PTPRN2: variants seen among roughly 807,000 people sequenced by gnomAD.
PTPRN2 encodes the protein receptor-type tyrosine-protein phosphatase N2.
PTPRN2 carries 74 observed loss-of-function variants against 118.8 expected under a neutral mutation model. The ratio of observed to expected loss-of-function variants is 0.62; its 90% CI spans 0.52 to 0.76. PTPRN2 has a LOEUF of 0.76. PTPRN2 is among the 30% of genes least tolerant of loss of function. The pLI, the probability that PTPRN2 is intolerant of heterozygous loss-of-function variation, is 0.00. For synonymous variants in PTPRN2, 641 were observed against 608.0 expected (o/e 1.05, Z -0.80); for missense variants, 1,481 against 1,394.4 (o/e 1.06, Z -0.99).
At chr7:157,778,232 C>T (rs1364544634) in intron 12 of PTPRN2, among the ~76,000 whole-genome samples, 1 of 152,266 alleles carries the variant, frequency 6.6e-6, no homozygotes, top group Non-Finnish European at 1.5e-5. Flanking sequence ...GACGACTAAA[C>T]ATGTCCACGT....
intron 6 of PTPRN2, among the ~76,000 whole-genome samples, chr7:158,140,712 G>T (rs1489163231): frequency 6.6e-6 from 1 of 152,240 alleles, no homozygotes; most frequent in East Asian, 1.9e-4. Flanking sequence ...GGGTGTGAGG[G>T]TGTGCCGTGC....
intron 2 of PTPRN2, among the ~76,000 whole-genome samples, chr7:158,410,776 C>A (rs1227597126): frequency 6.6e-6 from 1 of 152,022 alleles, no homozygotes; most frequent in Admixed American, 6.6e-5. Flanking sequence ...TGATTGACGT[C>A]CCTGTAGGGA....
At chr7:157,752,649 C>A (rs968392862) in intron 12 of PTPRN2, among the ~76,000 whole-genome samples, 4 of 152,248 alleles carry the variant, frequency 2.6e-5, no homozygotes, top group African/African-American at 9.6e-5. Flanking sequence ...CAGCCCACCT[C>A]CAGGTACAGA....
chr7:158,519,552 TC>T lies in PTPRN2; in HGVS notation c.113-29768del, dbSNP rs769522002. Among the ~76,000 whole-genome samples, 44 of 152,114 alleles carry T rather than the reference TC, an allele frequency of 2.9e-4. 1 individual carries two copies. The highest frequency in any genetic ancestry group is 1.0e-3 in the Admixed American group (16 of 15,270). Reference sequence around the variant, plus strand: ...AAGGTGATGGAATGGGCTGGCATTCTCCAGCACTCTCTGGCATTTTCTGACA... The same window carrying T: ...AAGGTGATGGAATGGGCTGGCATTCTCAGCACTCTCTGGCATTTTCTGACA... On this transcript the variant is annotated intron_variant, in intron 1 of 22. Coordinates refer to ENST00000389418, the MANE Select transcript of PTPRN2 (RefSeq NM_002847.5).
chr7:158,340,150 C>A (rs1258595590), intron 2 of PTPRN2, among the ~76,000 whole-genome samples: 2 of 87,286 alleles, frequency 2.3e-5, no homozygotes, highest in Non-Finnish European at 5.1e-5. Context: ...CTCACACCCA[C>A]ACTCTCACCA....
At chr7:158,097,529 G>A (rs369590020) in intron 10 of PTPRN2, among the ~76,000 whole-genome samples, 2 of 152,178 alleles carry the variant, frequency 1.3e-5, no homozygotes, top group African/African-American at 2.4e-5. Flanking sequence ...GAGCTCCACC[G>A]AAGCCATCTG....
chr7:158,312,518 GCACA>G (rs776225323), intron 3 of PTPRN2, among the ~76,000 whole-genome samples: 3 of 128,562 alleles, frequency 2.3e-5, no homozygotes, highest in Non-Finnish European at 5.1e-5. Flanking sequence ...CCACACACAC[GCACA>G]GACACCTGCA....
At chr7:157,557,825 CCTT>C (rs911233497) in intron 21 of PTPRN2, among the ~76,000 whole-genome samples, 11 of 151,834 alleles carry the variant, frequency 7.2e-5, no homozygotes, top group Non-Finnish European at 1.3e-4. Context: ...AATTCTAAAT[CCTT>C]CTTTTGGAGA....
At position 157,941,436 on chromosome 7, in the gene PTPRN2, C is replaced by T. The variant is rs137963257; in HGVS notation, c.1724-42699G>A. On this transcript the variant is annotated intron_variant, in intron 11 of 22. Coordinates refer to ENST00000389418, the MANE Select transcript of PTPRN2 (RefSeq NM_002847.5). ...CACCCTCCCCCATGACACTGCAAAT[C>T]TAACATCCTCCCCACCATGACACTG... Among the ~76,000 whole-genome samples, 702 of 144,054 alleles carry T rather than the reference C, an allele frequency of 4.9e-3. 46 individuals are homozygous for T. The highest frequency in any genetic ancestry group is 0.018 in the African/African-American group (663 of 37,062). The allele number at this position is 144,054 out of a possible 152,430, so 94.5% of individuals were successfully genotyped here.
chr7:158,490,259 A>G, intron 1 of PTPRN2, among the ~76,000 whole-genome samples: 1 of 152,312 alleles, frequency 6.6e-6, no homozygotes, highest in East Asian at 1.9e-4. Context: ...TGGGAAGCAA[A>G]CCGTGGCGTC....
intron 1 of PTPRN2, among the ~76,000 whole-genome samples, chr7:158,508,855 A>C (rs1484553804): frequency 9.4e-6 from 1 of 106,476 alleles, no homozygotes; most frequent in Non-Finnish European, 1.9e-5. Context: ...CGCTCGGAGC[A>C]GGTGCGGAAG....
chr7:157,745,814 C>T (rs1246545133), intron 12 of PTPRN2, among the ~76,000 whole-genome samples: 2 of 152,182 alleles, frequency 1.3e-5, no homozygotes, highest in African/African-American at 4.8e-5. Flanking sequence ...TGAAACCTAA[C>T]ATGTTTGACG....
At position 158,094,516 on chromosome 7, in the gene PTPRN2, C is replaced by T. The variant is rs551876758; in HGVS notation, c.1644-13139G>A. Reference sequence around the variant, plus strand: ...TAGAGATGGCGTTTCACTATGTTGGCCAGGCTGGTCTCGAACTCCAGACCT... The same window carrying T: ...TAGAGATGGCGTTTCACTATGTTGGTCAGGCTGGTCTCGAACTCCAGACCT... On this transcript the variant is annotated intron_variant, in intron 10 of 22. Coordinates refer to ENST00000389418, the MANE Select transcript of PTPRN2 (RefSeq NM_002847.5). Among the ~76,000 whole-genome samples the T allele has an allele frequency of 1.4e-4, 22 of 152,136 alleles. No homozygotes were observed. In the South Asian group the frequency reaches 4.4e-3, roughly 30 times the overall value.
At chr7:158,325,675 C>T (rs189795763) in intron 2 of PTPRN2, among the ~76,000 whole-genome samples, 65 of 152,288 alleles carry the variant, frequency 4.3e-4, no homozygotes, top group Non-Finnish European at 9.3e-4. Context: ...AGATGAGAGG[C>T]GTGGGAGGCT....
At chr7:158,386,279 T>C (rs560010553) in intron 2 of PTPRN2, among the ~76,000 whole-genome samples, 81 of 130,058 alleles carry the variant, frequency 6.2e-4, no homozygotes, top group African/African-American at 2.4e-3. Context: ...CCTCCTCCCG[T>C]GCCCCAAGTC....
At chr7:157,846,279 A>G (rs2151194382) in intron 12 of PTPRN2, among the ~76,000 whole-genome samples, 1 of 152,208 alleles carries the variant, frequency 6.6e-6, no homozygotes, top group African/African-American at 2.4e-5. Flanking sequence ...GAAATTAAAG[A>G]GGTAAAAAAA....
chr7:158,160,329 G>A (rs11773288), intron 6 of PTPRN2, among the ~76,000 whole-genome samples: 93,928 of 151,842 alleles, frequency 0.62, 30,134 homozygotes, highest in East Asian at 0.79. Context: ...GGCCCAGAGA[G>A]AACAAACACA....
At chr7:157,582,492 G>A (rs540072448) in intron 17 of PTPRN2, among the ~76,000 whole-genome samples, 1 of 152,298 alleles carries the variant, frequency 6.6e-6, no homozygotes, top group African/African-American at 2.4e-5. Context: ...ACCGAAAAGA[G>A]GGGGATGGCA....
intron 1 of PTPRN2, among the ~76,000 whole-genome samples, chr7:158,497,225 C>T: frequency 8.9e-6 from 1 of 112,170 alleles, no homozygotes; most frequent in Non-Finnish European, 1.9e-5. Context: ...GTTCCCTGCG[C>T]CCCTCCCCCT....
Sources: allele counts gnomAD v4.1 joint callset (sites outside exome capture counted in the v4.1 genomes callset), GRCh38; gene constraint gnomAD v4.1.1; transcripts MANE v1.5; gene names NCBI Gene and HGNC (gene_info 2026-07-23, HGNC 2026-07-21).